The following DMXL1 variants were observed in gnomAD, a reference collection of about 807,000 sequenced individuals.
DMXL1 encodes the protein Dmx like 1.
In DMXL1, 99 loss-of-function variants were observed where a neutral mutation model predicts 319.2. That is an observed-to-expected ratio of 0.31 (90% CI 0.26 to 0.37). The LOEUF is 0.37. Ranked by LOEUF, DMXL1 falls within the 10% of genes least tolerant of loss-of-function variation. DMXL1 has a pLI of 1.00. For synonymous variants in DMXL1, 1,385 were observed against 1,235.2 expected (o/e 1.12, Z -2.54); for missense variants, 3,745 against 3,595.6 (o/e 1.04, Z -1.06).
chr5:119,165,266 T>G lies in DMXL1; in HGVS notation c.4956T>G (p.Ile1652Met), dbSNP rs1252143727. 1.3e-6 allele frequency: 2 copies of G among 1,587,544 alleles called. No homozygotes were observed. Among genetic ancestry groups the G allele is most frequent in the African/African-American group, 2.7e-5 (2 of 73,324 alleles). The change falls in exon 21 of 44, where the codon ATT becomes ATG. Residue 1652 changes from isoleucine (I) to methionine (M), a missense_variant. This residue lies in a region of DMXL1 where 2,096 missense variants were observed against 1,985.4 expected (regional missense o/e 1.06). Coordinates refer to ENST00000539542, the MANE Select transcript of DMXL1 (RefSeq NM_001290321.3). ...FYLAMKKKAV[I>M]WGLYRAEKNT... ...TTGCAATGAAAAAGAAAGCTGTGAT[T>G]TGGGGATTATATAGGTAGGTAAAAA...
chr5:119,241,334 A>G (rs745931608), intron 42 of DMXL1, among the ~76,000 whole-genome samples: 116 of 152,164 alleles, frequency 7.6e-4, no homozygotes, highest in Middle Eastern at 3.4e-3. Context: ...GATCTAGACA[A>G]TCCTGGCTAA....
intron 42 of DMXL1, among the ~76,000 whole-genome samples, chr5:119,244,090 G>T (rs907878218): frequency 1.5e-4 from 23 of 152,124 alleles, no homozygotes; most frequent in Admixed American, 1.4e-3. Context: ...TTCAACCAGG[G>T]TTCCTCTCCT....
At chr5:119,093,307 C>G (rs529950570) in intron 1 of DMXL1, among the ~76,000 whole-genome samples, 25 of 152,148 alleles carry the variant, frequency 1.6e-4, no homozygotes, top group African/African-American at 6.0e-4. Flanking sequence ...GGCTAATTTT[C>G]ATATTTTTAG....
rs1289923338 is a variant in DMXL1, at chr5:119,150,162, G to C, written c.4335G>C (p.Glu1445Asp). 6.2e-7 allele frequency: 1 copy of C among 1,613,760 alleles called. No homozygotes were observed. Among genetic ancestry groups the C allele is most frequent in the South Asian group, 1.1e-5 (1 of 91,056 alleles). Reference protein sequence around the residue: ...SNQLSKESYDELFQTQLLMTD... With the variant: ...SNQLSKESYDDLFQTQLLMTD... ...AATTATCTAAAGAAAGTTATGATGA[G>C]CTTTTTCAGACTCAACTTCTAATGA... The change falls in exon 18 of 44, where the codon GAG becomes GAC. Residue 1445 changes from glutamate to aspartate, a missense_variant. By Grantham distance (45) the Glu-to-Asp change is conservative. Coordinates refer to ENST00000539542, the MANE Select transcript of DMXL1 (RefSeq NM_001290321.3).
At chr5:119,196,515 G>GTTTTTTTTTTTTTTTTTT in intron 31 of DMXL1, 59 bp downstream of exon 31, 1 of 559,966 alleles carries the variant, frequency 1.8e-6, no homozygotes, top group Non-Finnish European at 2.9e-6. Flanking sequence ...CTACTCTGTT[G>GTTTTTTTTTTTTTTTTTT]TTTTTTTTTT....
Position 119,222,044 on chromosome 5 carries a change from C to CA in DMXL1, c.8277+973dup, listed in dbSNP as rs201597270. Among the ~76,000 whole-genome samples the CA allele has an allele frequency of 2.0e-3, 290 of 146,346 alleles. 1 individual carries two copies. Among genetic ancestry groups the CA allele is most frequent in the African/African-American group, 6.5e-3 (260 of 40,044 alleles). On this transcript the variant is annotated intron_variant, in intron 37 of 43. Transcript: ENST00000539542. ...AGTACTGTAGAATGCTTTCCTTGGC[C>CA]AAAAAAAAAATTATTTTTCATTAAT...
intron 42 of DMXL1, among the ~76,000 whole-genome samples, chr5:119,242,705 C>A (rs190089777): frequency 9.2e-5 from 14 of 152,256 alleles, no homozygotes; most frequent in Admixed American, 7.8e-4. Flanking sequence ...CTGATTTCAA[C>A]ACTTATAAGC....
At chr5:119,165,878 T>A (rs550197647) in intron 21 of DMXL1, among the ~76,000 whole-genome samples, 1 of 152,302 alleles carries the variant, frequency 6.6e-6, no homozygotes, top group South Asian at 2.1e-4. Flanking sequence ...AAGATGAGAT[T>A]TGGGTGGGGA....
chr5:119,138,908 A>T (rs1255841532), intron 13 of DMXL1: 1 of 152,234 alleles, frequency 6.6e-6, no homozygotes. Context: ...TACTGAGAAG[A>T]TGAGCATGGC....
intron 8 of DMXL1, among the ~76,000 whole-genome samples, chr5:119,119,862 T>A (rs565892453): frequency 6.6e-6 from 1 of 152,056 alleles, no homozygotes; most frequent in South Asian, 2.1e-4. Flanking sequence ...TGTGGATTTT[T>A]TTTTTGGGTG....
rs1276459774 is a variant in DMXL1 at position 119,247,237 on chromosome 5, G to A, written c.*18G>A. On this transcript the variant is annotated 3_prime_UTR_variant, in exon 44 of 44. Coordinates refer to ENST00000539542, the MANE Select transcript of DMXL1 (RefSeq NM_001290321.3). ...TGCTATAACATTTTTACAATAAGAT[G>A]TACAATTTATTACCTATATGGAAGT... 7.0e-6 allele frequency: 11 copies of A among 1,574,790 alleles called. No homozygotes were observed. Among genetic ancestry groups the A allele is most frequent in the African/African-American group, 4.0e-5 (3 of 74,096 alleles).
intron 1 of DMXL1, among the ~76,000 whole-genome samples, chr5:119,093,298 G>A (rs1755204873): frequency 1.3e-5 from 2 of 152,026 alleles, no homozygotes; most frequent in East Asian, 3.9e-4. Flanking sequence ...AGCACGCCTG[G>A]CTAATTTTCA....
chr5:119,211,042 C>CATT lies in DMXL1; in HGVS notation c.7926+4146_7926+4147insATT, dbSNP rs1782725397. ...TTTTGCCTACTATTGAAATGATCAT[C>CATT]CTTTTTTCTTTTTTAGTATGATAGG... is the stretch of plus-strand genomic sequence containing the variant. On this transcript the variant is annotated intron_variant, in intron 34 of 43. Transcript: ENST00000539542. Among the ~76,000 whole-genome samples the CATT allele has an allele frequency of 2.7e-5, 4 of 145,456 alleles. No individual in the cohort carries two copies. The South Asian group carries it at 8.8e-4, about 32-fold the overall frequency.
At chr5:119,215,476 T>A (rs1783519711) in intron 34 of DMXL1, among the ~76,000 whole-genome samples, 2 of 151,966 alleles carry the variant, frequency 1.3e-5, no homozygotes, top group Admixed American at 1.3e-4. Flanking sequence ...CCTGGCTAAT[T>A]TTTGTATTTT....
chr5:119,113,035 T>C (rs1352352263), intron 5 of DMXL1, among the ~76,000 whole-genome samples: 1 of 152,200 alleles, frequency 6.6e-6, no homozygotes, highest in Non-Finnish European at 1.5e-5. Flanking sequence ...TAAAAATGTG[T>C]GTACAGGCAT....
Position 119,244,406 on chromosome 5 carries a change from A to G in DMXL1, c.8752A>G (p.Lys2918Glu). The change falls in exon 43 of 44, where the codon AAA becomes GAA. Residue 2918 changes from lysine to glutamate, a missense_variant. Coordinates refer to ENST00000539542, the MANE Select transcript of DMXL1 (RefSeq NM_001290321.3). ...AGCCACAGTTTTAGCATATGCTCCA[A>G]AACATCAGCTACTAATATCAGGTGG... Reference protein sequence around the residue: ...SGATVLAYAPKHQLLISGGRK... With the variant: ...SGATVLAYAPEHQLLISGGRK... 2 of 1,614,120 alleles carry G rather than the reference A, an allele frequency of 1.2e-6. No homozygotes were observed. The highest frequency in any genetic ancestry group is 1.7e-6 in the Non-Finnish European group (2 of 1,180,010).
intron 39 of DMXL1, among the ~76,000 whole-genome samples, chr5:119,235,046 C>T (rs1229441670): frequency 6.6e-6 from 1 of 152,064 alleles, no homozygotes; most frequent in Non-Finnish European, 1.5e-5. Context: ...TTAGCCTTGA[C>T]GAAGTCTAAT....
At chr5:119,220,866 A>G (rs1784531497) in intron 36 of DMXL1, 74 bp from the exon 37 acceptor site, 2 of 1,532,748 alleles carry the variant, frequency 1.3e-6, no homozygotes, top group Non-Finnish European at 8.8e-7. Context: ...TATAAATTCA[A>G]ATTTTAGACC....
At chr5:119,203,996 G>C (rs1781300211) in intron 33 of DMXL1, among the ~76,000 whole-genome samples, 2 of 151,778 alleles carry the variant, frequency 1.3e-5, no homozygotes, top group Admixed American at 1.3e-4. Context: ...CTAATTTTTT[G>C]TATTTTTAGT....
Sources: gnomAD v4.1 joint callset for allele counts (sites outside exome capture counted in the v4.1 genomes callset) on GRCh38, gnomAD v4.1.1 for gene constraint, gnomAD v4.1.1 regional missense constraint, MANE v1.5 for transcripts, NCBI Gene and HGNC (gene_info 2026-07-23, HGNC 2026-07-21) for gene names.